MMP8: variants seen among roughly 807,000 people sequenced by gnomAD.
MMP8 encodes neutrophil collagenase.
MMP8 carries 67 observed loss-of-function variants against 51.2 expected under a neutral mutation model. The ratio of observed to expected loss-of-function variants is 1.31; its 90% CI spans 1.08 to 1.60. MMP8 has a LOEUF of 1.60. MMP8 is among the 40% of genes most tolerant of loss of function. The pLI, the probability that MMP8 is intolerant of heterozygous loss-of-function variation, is 0.00. For synonymous variants in MMP8, 225 were observed against 191.0 expected, an observed-to-expected ratio of 1.18 and a Z score of -1.47; for missense variants, 654 against 558.1, an observed-to-expected ratio of 1.17 and a Z score of -1.73.
intron 5 of MMP8, 53 bp from the exon 6 acceptor site, chr11:102,716,472 G>A (rs924591405): frequency 3.8e-5 from 45 of 1,173,166 alleles, no homozygotes; most frequent in African/African-American, 8.0e-5. Flanking sequence ...GAGTAAGTCC[G>A]GTGTGACTCT....
chr11:102,714,805 T>TATATACAC (rs1293792969), intron 7 of MMP8, 96 bp from the exon 8 acceptor site: 2 of 230,826 alleles, frequency 8.7e-6, no homozygotes, highest in African/African-American at 5.7e-5. Context: ...TATATATATA[T>TATATACAC]ACCACTTCTT....
Position 102,718,514 on chromosome 11 carries a change from G to C in MMP8, c.684C>G (p.Ser228=). The C allele has an allele frequency of 6.2e-7, 1 of 1,613,976 alleles. No individual in the cohort carries two copies. The highest frequency in any genetic ancestry group is 8.5e-7 in the Non-Finnish European group (1 of 1,179,930). Residue 228 remains serine (S), a synonymous_variant, in exon 5 of 10, where the codon TCC becomes TCG. Coordinates refer to ENST00000236826, the MANE Select transcript of MMP8 (RefSeq NM_002424.3). ...EFGHSLGLAH[S]SDPGALMYPN... ...GATACATCAAGGCACCAGGGTCAGA[G>C]GAGTGAGCGAGCCCCAAAGAATGGC...
At chr11:102,714,889 G>T (rs1178365937) in intron 7 of MMP8, among the ~76,000 whole-genome samples, 180 bp from the exon 8 acceptor site, 1 of 150,576 alleles carries the variant, frequency 6.6e-6, no homozygotes, top group Non-Finnish European at 1.5e-5. Flanking sequence ...AGTTCAGGGG[G>T]GCTGTGAGAG....
chr11:102,714,762 TTATATATATATATATA>T (rs58774554), intron 7 of MMP8, 53 bp from the exon 8 acceptor site: 1,931 of 176,414 alleles, frequency 0.011, 16 homozygotes, highest in African/African-American at 0.022. Context: ...TTTTACAAAA[TTATATATATATATATA>T]TATATATATA....
chr11:102,723,834 C>A, intron 1 of MMP8: 1 of 248,114 alleles, frequency 4.0e-6, no homozygotes, highest in Admixed American at 4.6e-5. Context: ...GTGACACTGA[C>A]CAGATCACAC....
chr11:102,718,348 A>G, intron 5 of MMP8, 66 bp downstream of exon 5: 1 of 1,472,094 alleles, frequency 6.8e-7, no homozygotes, highest in Non-Finnish European at 9.3e-7. Context: ...AGATATTCAG[A>G]TTCTGGGAGT....
chr11:102,724,395 GAC>G (rs1446281331), intron 1 of MMP8, among the ~76,000 whole-genome samples: 1 of 152,112 alleles, frequency 6.6e-6, no homozygotes, highest in Non-Finnish European at 1.5e-5. Flanking sequence ...GGAAGCACCA[GAC>G]ATATAGTAAC....
rs1196348271 is a variant in MMP8, at chr11:102,713,394, G to A, written c.1358C>T (p.Thr453Ile). 5 of 1,613,620 alleles carry A rather than the reference G, an allele frequency of 3.1e-6. No individual in the cohort carries two copies. Among genetic ancestry groups the A allele is most frequent in the Non-Finnish European group, 4.2e-6 (5 of 1,179,684 alleles). ...YAFDLIAQRV[T>I]RVARGNKWLN... The stretch of plus-strand genomic sequence containing the variant: ...CCATTTATTGCCTCTTGCAACTCTG[G>A]TAACTCTCTGAGCAATAAGATCAAA... Residue 453 changes from threonine to isoleucine, a missense_variant, in exon 10 of 10, where the codon ACC (threonine) becomes ATC (isoleucine). Transcript: ENST00000236826.
intron 6 of MMP8, among the ~76,000 whole-genome samples, 194 bp downstream of exon 6, chr11:102,716,108 A>G (rs1452760315): frequency 6.6e-6 from 1 of 152,138 alleles, no homozygotes; most frequent in East Asian, 1.9e-4. Context: ...TAGTCTTTAA[A>G]AGACGAAGAT....
At chr11:102,715,251 TG>T in intron 7 of MMP8, 52 bp downstream of exon 7, 5 of 1,564,138 alleles carry the variant, frequency 3.2e-6, no homozygotes, top group Non-Finnish European at 4.3e-6. Flanking sequence ...AAAGAAGTCC[TG>T]CCCCCTCCCT....
chr11:102,715,524 C>A, intron 6 of MMP8, 87 bp from the exon 7 acceptor site: 1 of 1,494,666 alleles, frequency 6.7e-7, no homozygotes, highest in South Asian at 1.3e-5. Context: ...TAGTGATGGT[C>A]CTTGTAGGAT....
At chr11:102,723,454 C>A (rs1036512495) in intron 1 of MMP8, 11 of 446,836 alleles carry the variant, frequency 2.5e-5, no homozygotes, top group Non-Finnish European at 4.5e-5. Context: ...GTAACTTATA[C>A]ATAAAAGGGG....
At chr11:102,717,731 G>T (rs1398088180) in intron 5 of MMP8, among the ~76,000 whole-genome samples, 2 of 152,180 alleles carry the variant, frequency 1.3e-5, no homozygotes, top group African/African-American at 4.8e-5. Context: ...TCCCCTTATG[G>T]ATCTACATGA....
intron 5 of MMP8, among the ~76,000 whole-genome samples, chr11:102,717,775 T>C (rs1216452800): frequency 3.9e-5 from 6 of 152,214 alleles, no homozygotes; most frequent in East Asian, 1.9e-4. Context: ...GGGAGCAGGA[T>C]TGCTGTAGGA....
At position 102,722,428 on chromosome 11, in the gene MMP8, C is replaced by T. The variant is rs371884743; in HGVS notation, c.347+1G>A. On this transcript the variant is annotated splice_donor_variant, in intron 2 of 9. Transcript: ENST00000236826. LOFTEE classifies it high-confidence loss of function. ...GTATCCTGAAACCCTAGAGATATCA[C>T]CTGTAGGTCAAGTTAGTGCGTTCCC... The T allele has an allele frequency of 1.8e-5, 29 of 1,613,350 alleles. No homozygotes were observed. Among genetic ancestry groups the T allele is most frequent in the Non-Finnish European group, 2.2e-5 (26 of 1,179,674 alleles).
At chr11:102,723,076 A>G (rs1488478572) in intron 1 of MMP8, 28 of 1,286,886 alleles carry the variant, frequency 2.2e-5, no homozygotes, top group Non-Finnish European at 2.7e-5. Context: ...AGGCTTATTT[A>G]TTCTGCTGAA....
rs1861366706 is a variant in MMP8 at position 102,718,407 on chromosome 11, A to T, written c.784+7T>A. 1.2e-6 allele frequency: 2 copies of T among 1,607,372 alleles called. No individual in the cohort carries two copies. The highest frequency in any genetic ancestry group is 1.3e-5 in the African/African-American group (1 of 74,818). On this transcript the variant is annotated splice_region_variant and intron_variant, in intron 5 of 9. Coordinates refer to ENST00000236826, the MANE Select transcript of MMP8 (RefSeq NM_002424.3). Reference sequence around the variant, plus strand: ...CATGTACTATGACTCTCTTGAGAAGACCTTACCATAGATGGCCTGAATGCC... The same window carrying T: ...CATGTACTATGACTCTCTTGAGAAGTCCTTACCATAGATGGCCTGAATGCC...
intron 5 of MMP8, among the ~76,000 whole-genome samples, chr11:102,716,836 G>A (rs903875066): frequency 6.6e-6 from 1 of 152,138 alleles, no homozygotes. Flanking sequence ...ATACACCTAA[G>A]TCAAATTTTA....
chr11:102,722,679 C>A lies in MMP8; in HGVS notation c.103-6G>T, dbSNP rs755330085. On this transcript the variant is annotated splice_polypyrimidine_tract_variant and splice_region_variant and intron_variant, in intron 1 of 9. Coordinates refer to ENST00000236826, the MANE Select transcript of MMP8 (RefSeq NM_002424.3). ...TAGAACTTTTCCAGGTAGTCCTGGA[C>A]AAAGACAAGCACATAGGGGTCTTGC... The A allele has an allele frequency of 6.2e-7, 1 of 1,613,290 alleles. No homozygotes were observed. The highest frequency in any genetic ancestry group is 8.5e-7 in the Non-Finnish European group (1 of 1,179,468).
Sources: allele counts gnomAD v4.1 joint callset (sites outside exome capture counted in the v4.1 genomes callset), GRCh38; gene constraint gnomAD v4.1.1; transcripts MANE v1.5; gene names NCBI Gene and HGNC (gene_info 2026-07-23, HGNC 2026-07-21).